The following SDK1 variants were observed in gnomAD, a reference collection of about 807,000 sequenced individuals.
The protein encoded by SDK1 is protein sidekick-1.
In SDK1, 157 loss-of-function variants were observed where a neutral mutation model predicts 245.5. The ratio of observed to expected loss-of-function variants is 0.64; its 90% CI spans 0.56 to 0.73. The LOEUF (loss-of-function observed/expected upper bound fraction) is 0.73, where lower values mean the gene tolerates loss of function less well. SDK1 is among the 30% of genes least tolerant of loss of function. SDK1 has a pLI of 0.00. For missense variants in SDK1, 3,583 were observed against 3,002.3 expected (o/e 1.19, Z -4.52); for synonymous variants, 1,647 against 1,278.5 (o/e 1.29, Z -6.15).
At position 3,346,666 on chromosome 7, in the gene SDK1, C is replaced by CT. The variant is rs11311845; in HGVS notation, c.298+44795dup. On this transcript the variant is annotated intron_variant, in intron 1 of 44. Coordinates refer to ENST00000404826, the MANE Select transcript of SDK1 (RefSeq NM_152744.4). ...CCCCCACACCTGGCTAATTTAGTTT[C>CT]TTTTTTTTTTTTTGGTGTGTGTGTG... Among the ~76,000 whole-genome samples the CT allele has an allele frequency of 3.8e-3, 468 of 123,812 alleles. 3 individuals are homozygous for CT. The highest frequency in any genetic ancestry group is 5.2e-3 in the Non-Finnish European group (312 of 59,640). The allele number at this position is 123,812 out of a possible 152,430, so 81.2% of individuals were successfully genotyped here. A position where few individuals can be genotyped will look rare whatever the true frequency, so the allele number is the denominator to read the frequency against.
chr7:3,467,258 A>T (rs895043253), intron 1 of SDK1, among the ~76,000 whole-genome samples: 1 of 152,102 alleles, frequency 6.6e-6, no homozygotes, highest in Non-Finnish European at 1.5e-5. Context: ...AGCACAGTGA[A>T]ATTTGCACAT....
At chr7:3,601,304 T>C (rs1485695444) in intron 1 of SDK1, among the ~76,000 whole-genome samples, 1 of 152,340 alleles carries the variant, frequency 6.6e-6, no homozygotes, top group South Asian at 2.1e-4. Flanking sequence ...TTGATTCTTC[T>C]TTAAATGTTT....
chr7:3,535,885 A>G (rs1398599191), intron 1 of SDK1, among the ~76,000 whole-genome samples: 5 of 151,978 alleles, frequency 3.3e-5, no homozygotes, highest in African/African-American at 1.2e-4. Context: ...GCACTATATC[A>G]TTTTTTCTCA....
chr7:3,496,054 CAGG>C (rs1782015702), intron 1 of SDK1, among the ~76,000 whole-genome samples: 1 of 152,048 alleles, frequency 6.6e-6, no homozygotes, highest in South Asian at 2.1e-4. Context: ...CACTTTTTCC[CAGG>C]AGAGAGCTGA....
chr7:4,092,062 C>T (rs772804476), intron 22 of SDK1, among the ~76,000 whole-genome samples: 18 of 152,172 alleles, frequency 1.2e-4, no homozygotes, highest in Admixed American at 5.2e-4. Context: ...CGACAGGGCC[C>T]GGAATCCCAG....
intron 4 of SDK1, among the ~76,000 whole-genome samples, chr7:3,648,434 A>G (rs1782915006): frequency 6.6e-6 from 1 of 152,246 alleles, no homozygotes; most frequent in African/African-American, 2.4e-5. Flanking sequence ...GAATGTTTCA[A>G]ACCTTCAGTC....
At chr7:4,134,446 G>A (rs905769220) in intron 28 of SDK1, among the ~76,000 whole-genome samples, 3 of 152,218 alleles carry the variant, frequency 2.0e-5, no homozygotes, top group Non-Finnish European at 4.4e-5. Context: ...GCTGTGGCGA[G>A]GAGATTTGCA....
intron 30 of SDK1, among the ~76,000 whole-genome samples, chr7:4,157,331 G>C (rs990041491): frequency 6.7e-6 from 1 of 149,302 alleles, no homozygotes; most frequent in African/African-American, 2.5e-5. Context: ...GGAGGTGGAA[G>C]GGAGAGAAGG....
At chr7:3,528,586 C>T (rs1783232158) in intron 1 of SDK1, among the ~76,000 whole-genome samples, 1 of 152,054 alleles carries the variant, frequency 6.6e-6, no homozygotes, top group African/African-American at 2.4e-5. Context: ...CATAGGATTG[C>T]AAGAGAGATC....
chr7:3,658,210 GC>G (rs989327999), intron 4 of SDK1, among the ~76,000 whole-genome samples: 1 of 152,304 alleles, frequency 6.6e-6, no homozygotes, highest in Admixed American at 6.5e-5. Context: ...AACTGTCATA[GC>G]CGTGAGGTGG....
Position 4,050,852 on chromosome 7 carries a change from A to G in SDK1, c.2719-786A>G, listed in dbSNP as rs147607521. Among the ~76,000 whole-genome samples the G allele has an allele frequency of 6.4e-3, 937 of 145,806 alleles. 5 individuals are homozygous for G. The highest frequency in any genetic ancestry group is 0.023 in the African/African-American group (917 of 39,896). Reference sequence around the variant, plus strand: ...TCTTTATTCTTTACTGTTAAAATATATATTATATACTATATGGTATATATT... The same window carrying G: ...TCTTTATTCTTTACTGTTAAAATATGTATTATATACTATATGGTATATATT... On this transcript the variant is annotated intron_variant, in intron 18 of 44. Transcript: ENST00000404826.
intron 17 of SDK1, among the ~76,000 whole-genome samples, chr7:4,021,718 A>G (rs984713643): frequency 6.6e-6 from 1 of 152,198 alleles, no homozygotes; most frequent in Non-Finnish European, 1.5e-5. Context: ...TAGAAGTTCC[A>G]TTTGCTGCTG....
rs183388903 is a variant in SDK1, at chr7:3,482,194, C to T, written c.299-136886C>T. On this transcript the variant is annotated intron_variant, in intron 1 of 44. Coordinates refer to ENST00000404826, the MANE Select transcript of SDK1 (RefSeq NM_152744.4). The stretch of plus-strand genomic sequence containing the variant: ...TTCATCGATCAGATACCTTAAACTA[C>T]CTACCTACTAACAACAATTAAAAAT... Among the ~76,000 whole-genome samples the T allele has an allele frequency of 1.2e-3, 181 of 152,214 alleles. 3 individuals carry two copies. The highest frequency in any genetic ancestry group is 4.2e-3 in the African/African-American group (175 of 41,528).
At chr7:3,602,825 C>A (rs186250224) in intron 1 of SDK1, among the ~76,000 whole-genome samples, 5 of 152,186 alleles carry the variant, frequency 3.3e-5, no homozygotes, top group African/African-American at 7.2e-5. Context: ...ACATTTAAGT[C>A]TTTAATCCAT....
At chr7:3,522,892 T>C (rs1782990109) in intron 1 of SDK1, among the ~76,000 whole-genome samples, 1 of 152,252 alleles carries the variant, frequency 6.6e-6, no homozygotes, top group Non-Finnish European at 1.5e-5. Context: ...GAGATCTGAT[T>C]AGTTTGTTAA....
At chr7:3,663,892 G>C (rs1175559306) in intron 4 of SDK1, among the ~76,000 whole-genome samples, 2 of 152,334 alleles carry the variant, frequency 1.3e-5, no homozygotes, top group African/African-American at 4.8e-5. Flanking sequence ...TCTTTTCAAA[G>C]CATTTTTCTT....
intron 5 of SDK1, among the ~76,000 whole-genome samples, chr7:3,889,830 G>A (rs532237893): frequency 3.3e-5 from 5 of 152,276 alleles, no homozygotes; most frequent in East Asian, 3.9e-4. Flanking sequence ...ACTAGAAGGC[G>A]GAGGTTGTGT....
chr7:4,114,253 C>G lies in SDK1; in HGVS notation c.3802C>G (p.Arg1268Gly). ...GGCTGGGCCGTGGAGCGAGGTGGTG[C>G]GGGGCCGGACGCGGGAGTCAGGTGA... Reference protein sequence around the residue: ...VGAGPWSEVVRGRTRESVPSA... With the variant: ...VGAGPWSEVVGGRTRESVPSA... The change falls in exon 25 of 45, where the codon CGG becomes GGG. Residue 1268 changes from arginine (R) to glycine (G), a missense_variant. Transcript: ENST00000404826. 3 of 1,608,264 alleles carry G rather than the reference C, an allele frequency of 1.9e-6. No homozygotes were observed. The highest frequency in any genetic ancestry group is 2.5e-6 in the Non-Finnish European group (3 of 1,178,090).
intron 1 of SDK1, among the ~76,000 whole-genome samples, chr7:3,462,941 C>T (rs1780879112): frequency 6.6e-6 from 1 of 152,168 alleles, no homozygotes; most frequent in African/African-American, 2.4e-5. Context: ...GGATAAAGAC[C>T]ACAGACCCTC....
Sources: allele counts gnomAD v4.1 joint callset (sites outside exome capture counted in the v4.1 genomes callset), GRCh38; gene constraint gnomAD v4.1.1; transcripts MANE v1.5; gene names NCBI Gene and HGNC (gene_info 2026-07-23, HGNC 2026-07-21).